Variants in RFX4 observed in about 807,000 individuals in gnomAD.
RFX4 encodes the protein regulatory factor X4, also known as transcription factor RFX4.
Under a neutral mutation model 95.0 loss-of-function variants are expected in RFX4, and 10 were observed. The observed-to-expected ratio is 0.11, with a 90% CI of 0.06 to 0.18. The LOEUF (loss-of-function observed/expected upper bound fraction) is 0.18. Ranked by LOEUF, RFX4 falls within the 10% of genes least tolerant of loss-of-function variation. The pLI, the probability that RFX4 is intolerant of heterozygous loss-of-function variation, is 1.00. For synonymous variants in RFX4, 321 were observed against 340.7 expected, an observed-to-expected ratio of 0.94 and a Z score of 0.64; for missense variants, 640 against 922.0, an observed-to-expected ratio of 0.69 and a Z score of 3.96.
chr12:106,654,294 C>T lies in RFX4; in HGVS notation c.258C>T (p.Tyr86=). 2 of 1,614,006 alleles carry T rather than the reference C, an allele frequency of 1.2e-6. No homozygotes were observed. Among genetic ancestry groups the T allele is most frequent in the Non-Finnish European group, 1.7e-6 (2 of 1,179,950 alleles). Reference sequence around the variant, plus strand: ...CTCGCAGTGCCCTCTATATGCATTACCTGGATTTCTGCGAGAAGAATGATA... The same window carrying T: ...CTCGCAGTGCCCTCTATATGCATTATCTGGATTTCTGCGAGAAGAATGATA... ...CIPRSALYMH[Y]LDFCEKNDTQ... The change falls in exon 4 of 18, where the codon TAC becomes TAT. Residue 86 remains tyrosine, a synonymous_variant. Transcript: ENST00000392842.
At chr12:106,709,293 A>G in intron 8 of RFX4, 37 bp from the exon 9 acceptor site, 1 of 1,545,582 alleles carries the variant, frequency 6.5e-7, no homozygotes, top group Non-Finnish European at 8.9e-7. Flanking sequence ...GCTAAGCAAC[A>G]TGTGCAGCAC....
At chr12:106,657,748 G>A (rs2040988528) in intron 4 of RFX4, among the ~76,000 whole-genome samples, 3 of 152,208 alleles carry the variant, frequency 2.0e-5, no homozygotes, top group African/African-American at 7.2e-5. Context: ...ACTGTCAAGT[G>A]CTCTACCCAT....
intron 2 of RFX4, among the ~76,000 whole-genome samples, chr12:106,636,715 T>G (rs537567980): frequency 5.9e-5 from 9 of 152,330 alleles, no homozygotes; most frequent in African/African-American, 2.2e-4. Flanking sequence ...AGAATGGTTT[T>G]GGTGGCAGGG....
intron 15 of RFX4, among the ~76,000 whole-genome samples, chr12:106,737,664 A>G (rs946881926): frequency 6.6e-5 from 10 of 152,022 alleles, no homozygotes; most frequent in Non-Finnish European, 1.2e-4. Flanking sequence ...AGGACTTGCT[A>G]TCTTGTGTAC....
intron 8 of RFX4, among the ~76,000 whole-genome samples, chr12:106,700,025 G>C (rs929300795): frequency 1.3e-5 from 2 of 151,578 alleles, no homozygotes; most frequent in Non-Finnish European, 2.9e-5. Context: ...TCCATGGTTG[G>C]CTTTCTTTTT....
intron 15 of RFX4, chr12:106,733,287 C>A: frequency 1.8e-6 from 1 of 541,780 alleles, no homozygotes. Flanking sequence ...CCACTGCATT[C>A]TAGCCTTAGT....
intron 4 of RFX4, among the ~76,000 whole-genome samples, chr12:106,666,309 T>A (rs1056848834): frequency 6.6e-6 from 1 of 152,058 alleles, no homozygotes; most frequent in Non-Finnish European, 1.5e-5. Context: ...TTTTTCAGGA[T>A]GTTTTTCGTT....
chr12:106,681,437 G>A (rs556332501), intron 4 of RFX4, among the ~76,000 whole-genome samples: 4 of 152,334 alleles, frequency 2.6e-5, no homozygotes, highest in South Asian at 4.1e-4. Flanking sequence ...TTGTCCAGAC[G>A]CCTGAATGGT....
chr12:106,725,555 A>C (rs1423551638), intron 13 of RFX4, among the ~76,000 whole-genome samples: 1 of 152,206 alleles, frequency 6.6e-6, no homozygotes, highest in Non-Finnish European at 1.5e-5. Flanking sequence ...CTTTTTTAGG[A>C]ATACTAGGTA....
chr12:106,604,350 G>A lies in RFX4; in HGVS notation c.44-4447G>A, dbSNP rs1233578772. 2.0e-5 allele frequency among the ~76,000 whole-genome samples: 3 copies of A among 152,008 alleles called. No homozygotes were observed. In the East Asian group the frequency reaches 5.8e-4, roughly 29 times the overall value. On this transcript the variant is annotated intron_variant, in intron 1 of 17. Transcript: ENST00000392842. ...TTGGCCAGGCTGGTCTTGAACTCCT[G>A]ACCTCCGGTGATCAGCCCGCCTCAG... is the stretch of plus-strand genomic sequence containing the variant.
intron 8 of RFX4, among the ~76,000 whole-genome samples, 155 bp from the exon 9 acceptor site, chr12:106,709,175 C>A (rs1358103681): frequency 1.3e-5 from 2 of 152,202 alleles, no homozygotes; most frequent in Non-Finnish European, 2.9e-5. Flanking sequence ...CTCCACAGGG[C>A]TTGGACTGTT....
rs575809197 is a variant in RFX4, at chr12:106,648,769, A to G, written c.192-5459A>G. 2.0e-5 allele frequency among the ~76,000 whole-genome samples: 3 copies of G among 152,102 alleles called. No individual in the cohort carries two copies. The South Asian group carries it at 6.2e-4, about 32-fold the overall frequency. ...ATCGATCATGCTGCCCCCATGCTAT[A>G]AAACATCTAATCAGTTTAAAAGATC... On this transcript the variant is annotated intron_variant, in intron 3 of 17. Transcript: ENST00000392842.
intron 8 of RFX4, among the ~76,000 whole-genome samples, chr12:106,703,169 G>A (rs1232294729): frequency 6.6e-6 from 1 of 152,112 alleles, no homozygotes; most frequent in South Asian, 2.1e-4. Context: ...CTCATTGGAG[G>A]TGCCTTTCTT....
At chr12:106,604,918 G>T (rs970766205) in intron 1 of RFX4, among the ~76,000 whole-genome samples, 1 of 152,186 alleles carries the variant, frequency 6.6e-6, no homozygotes, top group African/African-American at 2.4e-5. Context: ...AAAGGAGAAA[G>T]CTCAGTTCAC....
chr12:106,738,507 G>A (rs2042751841), intron 15 of RFX4, among the ~76,000 whole-genome samples: 1 of 152,198 alleles, frequency 6.6e-6, no homozygotes, highest in Non-Finnish European at 1.5e-5. Flanking sequence ...AATGGCTTCA[G>A]ATATTTCTGT....
intron 8 of RFX4, among the ~76,000 whole-genome samples, chr12:106,698,499 G>T (rs2041925926): frequency 6.6e-6 from 1 of 152,084 alleles, no homozygotes; most frequent in Non-Finnish European, 1.5e-5. Context: ...TAGTCTGGTG[G>T]TCATAAATTT....
chr12:106,602,708 C>G (rs2039737465), intron 1 of RFX4, among the ~76,000 whole-genome samples: 1 of 152,210 alleles, frequency 6.6e-6, no homozygotes, highest in African/African-American at 2.4e-5. Flanking sequence ...CTTGCTCCCT[C>G]ACTAAACTCA....
chr12:106,696,536 C>T, intron 8 of RFX4, 90 bp downstream of exon 8: 3 of 1,366,766 alleles, frequency 2.2e-6, no homozygotes, highest in Admixed American at 2.1e-5. Flanking sequence ...CATGCACTGT[C>T]CAGAGGCCTC....
rs139292990 is a variant in RFX4, at chr12:106,640,820, G to A, written c.191+1428G>A. ...TTTTGAGGTGGAGTCTCACTCTGTC[G>A]CCCAGGCTGGAGTGCTGTGGCGTGA... On this transcript the variant is annotated intron_variant, in intron 3 of 17. Coordinates refer to ENST00000392842, the MANE Select transcript of RFX4 (RefSeq NM_213594.3). 5.6e-3 allele frequency among the ~76,000 whole-genome samples: 772 copies of A among 138,854 alleles called. 5 individuals carry two copies. Among genetic ancestry groups the A allele is most frequent in the African/African-American group, 0.016 (587 of 36,298 alleles). The allele number at this position is 138,854 out of a possible 152,430, so 91.1% of individuals were successfully genotyped here.
Sources: allele counts gnomAD v4.1 joint callset (sites outside exome capture counted in the v4.1 genomes callset), GRCh38; gene constraint gnomAD v4.1.1; transcripts MANE v1.5; gene names NCBI Gene and HGNC (gene_info 2026-07-23, HGNC 2026-07-21).